USP10: variants seen among roughly 807,000 people sequenced by gnomAD.
USP10 encodes the protein ubiquitin carboxyl-terminal hydrolase 10.
A neutral mutation model predicts 84.5 loss-of-function variants in USP10; 22 were observed. The ratio of observed to expected loss-of-function variants is 0.26; its 90% CI spans 0.19 to 0.37. The LOEUF (loss-of-function observed/expected upper bound fraction) is 0.37, where lower values mean the gene tolerates loss of function less well. Among genes scored for constraint, USP10 ranks in the 10% least tolerant of loss-of-function variants. The probability of loss-of-function intolerance (pLI) is 1.00; values close to 1 mark genes in which losing one functional copy is unlikely to be tolerated. For missense variants in USP10, 1,019 were observed against 998.9 expected (o/e 1.02, Z -0.27); for synonymous variants, 454 against 387.6 (o/e 1.17, Z -2.01).
chr16:84,706,540 T>A (rs1029602955), intron 1 of USP10, among the ~76,000 whole-genome samples: 78 of 148,012 alleles, frequency 5.3e-4, no homozygotes, highest in South Asian at 4.0e-3. Flanking sequence ...ATATATATTT[T>A]TATATATATA....
chr16:84,735,855 G>A (rs943334243), intron 2 of USP10, among the ~76,000 whole-genome samples: 4 of 152,184 alleles, frequency 2.6e-5, no homozygotes, highest in African/African-American at 9.7e-5. Context: ...GGAAATGCAG[G>A]CTAATTAACA....
chr16:84,710,292 G>T (rs1040952926), intron 1 of USP10, among the ~76,000 whole-genome samples: 1 of 150,704 alleles, frequency 6.6e-6, no homozygotes, highest in African/African-American at 2.4e-5. Context: ...AAAAAAGATT[G>T]CTGGGTTGAG....
Position 84,771,128 on chromosome 16 carries a change from A to C in USP10, c.1999-1413A>C, listed in dbSNP as rs527743008. Among the ~76,000 whole-genome samples, 13 of 152,310 alleles carry C rather than the reference A, an allele frequency of 8.5e-5. No homozygotes were observed. The South Asian group carries it at 2.7e-3, about 32-fold the overall frequency. On this transcript the variant is annotated intron_variant, in intron 11 of 13. Transcript: ENST00000219473. ...GACTTTGTAAGTACAGAGAATGATA[A>C]AGGGATTGTTATTTGTAAAGATGCA...
intron 1 of USP10, among the ~76,000 whole-genome samples, chr16:84,711,060 C>T (rs992173962): frequency 6.6e-6 from 1 of 152,108 alleles, no homozygotes; most frequent in African/African-American, 2.4e-5. Context: ...AATGGTGGAA[C>T]AGTTGTGAGC....
At chr16:84,748,942 A>G (rs1381360913) in intron 4 of USP10, among the ~76,000 whole-genome samples, 3 of 152,180 alleles carry the variant, frequency 2.0e-5, no homozygotes, top group South Asian at 2.1e-4. Context: ...TTTTAATCCT[A>G]TTTGGTTAGG....
intron 11 of USP10, among the ~76,000 whole-genome samples, chr16:84,770,845 A>T (rs1597400589): frequency 6.6e-6 from 1 of 151,718 alleles, no homozygotes; most frequent in Admixed American, 6.6e-5. Flanking sequence ...AGGCAGGCGG[A>T]TCACAAAGTC....
chr16:84,742,367 T>C (rs557235330), intron 3 of USP10, among the ~76,000 whole-genome samples: 1 of 152,282 alleles, frequency 6.6e-6, no homozygotes, highest in East Asian at 1.9e-4. Context: ...TATTCACAGC[T>C]TTCTCTCCCC....
At chr16:84,710,079 G>C (rs573384486) in intron 1 of USP10, among the ~76,000 whole-genome samples, 25 of 152,172 alleles carry the variant, frequency 1.6e-4, no homozygotes, top group Non-Finnish European at 2.9e-4. Flanking sequence ...AGACCAGTCT[G>C]GCCAACATGC....
At chr16:84,713,113 C>T (rs1409736077) in intron 1 of USP10, among the ~76,000 whole-genome samples, 3 of 152,204 alleles carry the variant, frequency 2.0e-5, no homozygotes, top group Admixed American at 1.3e-4. Context: ...AAGAGCTTTT[C>T]GGTTGGTTTG....
At chr16:84,769,761 C>T (rs555903857) in intron 11 of USP10, among the ~76,000 whole-genome samples, 4 of 152,194 alleles carry the variant, frequency 2.6e-5, no homozygotes, top group African/African-American at 9.6e-5. Flanking sequence ...CTAGGGAAGA[C>T]CCTTTTGTGA....
chr16:84,764,843 G>A (rs1485919254), intron 10 of USP10, among the ~76,000 whole-genome samples: 2 of 144,448 alleles, frequency 1.4e-5, no homozygotes, highest in Non-Finnish European at 1.5e-5. Flanking sequence ...AAAAAAAAAA[G>A]AAAAAGATAC....
intron 10 of USP10, among the ~76,000 whole-genome samples, chr16:84,764,937 A>ATATATATAT (rs1364532157): frequency 0.02 from 1,565 of 76,866 alleles, 25 homozygotes; most frequent in African/African-American, 0.062. Context: ...GAGAGAAAAA[A>ATATATATAT]AAATATATAT....
intron 11 of USP10, among the ~76,000 whole-genome samples, chr16:84,769,363 A>G (rs544535191): frequency 6.6e-6 from 1 of 152,238 alleles, no homozygotes; most frequent in South Asian, 2.1e-4. Context: ...CTCTGGGGGG[A>G]TCAGTAGAAG....
chr16:84,752,963 A>G (rs1452536125), intron 4 of USP10, among the ~76,000 whole-genome samples: 1 of 152,064 alleles, frequency 6.6e-6, no homozygotes, highest in Non-Finnish European at 1.5e-5. Flanking sequence ...TATTTTTTAA[A>G]AACGTATTTT....
At chr16:84,713,649 A>G (rs1197669986) in intron 1 of USP10, among the ~76,000 whole-genome samples, 1 of 152,226 alleles carries the variant, frequency 6.6e-6, no homozygotes, top group East Asian at 1.9e-4. Context: ...CATGAAAGAC[A>G]TACCACAGTG....
chr16:84,759,835 G>A lies in USP10; in HGVS notation c.1395-56G>A, dbSNP rs1912997415. 95 of 1,551,752 alleles carry A rather than the reference G, an allele frequency of 6.1e-5. No homozygotes were observed. In the South Asian group the frequency reaches 1.0e-3, roughly 16 times the overall value. On this transcript the variant is annotated intron_variant, in intron 6 of 13. Transcript: ENST00000219473. ...TCTACTTAGCCATCAAAGCTCTTTA[G>A]TAAAAGTATATATTGTTTAAAACTG...
chr16:84,745,042 C>G lies in USP10; in HGVS notation c.561C>G (p.Asn187Lys). ...GCCATGCCAATTCAGCAGTCCCGAA[C>G]AGTGTCAGTGCAGAGGATGCAGAAT... ...VNGHANSAVP[N>K]SVSAEDAEFM... Residue 187 changes from asparagine (N) to lysine (K), a missense_variant, in exon 4 of 14, where the codon AAC becomes AAG. Physicochemically the swap from Asn to Lys is moderately conservative, Grantham distance 94 (BLOSUM62 0). Around this residue, in one of 2 missense-constraint regions of USP10, gnomAD observed 787 missense variants for 708.8 expected, o/e 1.11. Transcript: ENST00000219473. The G allele has an allele frequency of 6.2e-7, 1 of 1,613,758 alleles. No homozygotes were observed. The highest frequency in any genetic ancestry group is 8.5e-7 in the Non-Finnish European group (1 of 1,179,670).
At chr16:84,770,499 G>C (rs931257039) in intron 11 of USP10, among the ~76,000 whole-genome samples, 1 of 152,198 alleles carries the variant, frequency 6.6e-6, no homozygotes, top group Non-Finnish European at 1.5e-5. Context: ...TTGGCTGGGC[G>C]AGGTGGCTCA....
intron 4 of USP10, among the ~76,000 whole-genome samples, chr16:84,747,192 G>C (rs1029643406): frequency 6.6e-6 from 1 of 152,188 alleles, no homozygotes; most frequent in Non-Finnish European, 1.5e-5. Flanking sequence ...CTGGTGACCA[G>C]ATCTTCAGAT....
Sources: gnomAD v4.1 joint callset for allele counts (sites outside exome capture counted in the v4.1 genomes callset) on GRCh38, gnomAD v4.1.1 for gene constraint, gnomAD v4.1.1 regional missense constraint, MANE v1.5 for transcripts, NCBI Gene and HGNC (gene_info 2026-07-23, HGNC 2026-07-21) for gene names.